Variants in ZNF300 observed in about 807,000 individuals in gnomAD.
ZNF300 encodes zinc finger protein 300, also known as kruppel-like zinc finger protein.
A neutral mutation model predicts 13.9 loss-of-function variants in ZNF300; 6 were observed. The ratio of observed to expected loss-of-function variants is 0.43; its 90% CI spans 0.24 to 0.85. The LOEUF (loss-of-function observed/expected upper bound fraction) is 0.85. ZNF300 is among the 40% of genes least tolerant of loss of function. The pLI is 0.25. For missense variants in ZNF300, 662 were observed against 714.2 expected (o/e 0.93, Z 0.83); for synonymous variants, 237 against 242.2 (o/e 0.98, Z 0.20).
At chr5:150,901,630 G>A (rs1754998541) in intron 3 of ZNF300, among the ~76,000 whole-genome samples, 1 of 152,028 alleles carries the variant, frequency 6.6e-6, no homozygotes, top group Non-Finnish European at 1.5e-5. Context: ...ATTTCACAAC[G>A]ATAATCATAA....
At chr5:150,898,268 A>G (rs1292347640) in intron 4 of ZNF300, 84 bp from the exon 5 acceptor site, 2 of 1,596,884 alleles carry the variant, frequency 1.3e-6, no homozygotes, top group African/African-American at 2.7e-5. Flanking sequence ...TCTACAATAA[A>G]GCTGTCCAGT....
At position 150,898,418 on chromosome 5, in the gene ZNF300, C is replaced by A; in HGVS notation, c.142+10G>T. The stretch of plus-strand genomic sequence containing the variant: ...GACAACTCTGAGTTATTCAGGGAAG[C>A]CATCCTTACCCATTGAGACCAGGTG... On this transcript the variant is annotated intron_variant, in intron 4 of 5. Transcript: ENST00000274599. The A allele has an allele frequency of 6.2e-7, 1 of 1,613,376 alleles. No homozygotes were observed. Among genetic ancestry groups the A allele is most frequent in the African/African-American group, 1.3e-5 (1 of 74,956 alleles).
chr5:150,904,183 G>A (rs1755073751), intron 1 of ZNF300, among the ~76,000 whole-genome samples: 1 of 152,148 alleles, frequency 6.6e-6, no homozygotes. Context: ...CATCAGAAAT[G>A]CTTAGTGGGC....
intron 3 of ZNF300, among the ~76,000 whole-genome samples, chr5:150,902,751 C>T (rs1755031931): frequency 1.3e-5 from 2 of 152,182 alleles, no homozygotes; most frequent in Non-Finnish European, 2.9e-5. Context: ...TAAGACACCA[C>T]TACAAGAAAC....
intron 1 of ZNF300, among the ~76,000 whole-genome samples, 171 bp downstream of exon 1, chr5:150,904,533 G>A (rs1338997641): frequency 2.6e-5 from 4 of 151,798 alleles, no homozygotes; most frequent in Non-Finnish European, 4.4e-5. Flanking sequence ...AGCCATTCCT[G>A]ACCTAATAGA....
At chr5:150,902,459 G>C (rs1039034257) in intron 3 of ZNF300, among the ~76,000 whole-genome samples, 7 of 152,188 alleles carry the variant, frequency 4.6e-5, no homozygotes, top group Non-Finnish European at 1.0e-4. Flanking sequence ...TTTGTTCCTT[G>C]AAAGCAGGGG....
chr5:150,898,628 C>T lies in ZNF300; in HGVS notation c.16-74G>A, dbSNP rs1282381223. 5 of 1,447,966 alleles carry T rather than the reference C, an allele frequency of 3.5e-6. No homozygotes were observed. In the East Asian group the frequency reaches 1.2e-4, roughly 34 times the overall value. 89.7% of individuals were successfully genotyped at this position (1,447,966 alleles called of 1,614,324 possible). On this transcript the variant is annotated intron_variant, in intron 3 of 5. Transcript: ENST00000274599. ...TCTGCTATAATGTGCACAACTACAT[C>T]CACACCTAGTTTTGTATAATAGTTT...
At chr5:150,898,007 A>G in intron 5 of ZNF300, 55 bp downstream of exon 5, 1 of 1,573,280 alleles carries the variant, frequency 6.4e-7, no homozygotes, top group Non-Finnish European at 8.6e-7. Context: ...AAGGATAGAA[A>G]CATAAACCTC....
At position 150,898,265 on chromosome 5, in the gene ZNF300, T is replaced by C. The variant is rs1460084145; in HGVS notation, c.143-81A>G. On this transcript the variant is annotated intron_variant, in intron 4 of 5. Transcript: ENST00000274599. Reference sequence around the variant, plus strand: ...AGGTGCAGTTTCAGATGGTCTACAATAAAGCTGTCCAGTTAGCCCTCAACA... The same window carrying C: ...AGGTGCAGTTTCAGATGGTCTACAACAAAGCTGTCCAGTTAGCCCTCAACA... The C allele has an allele frequency of 2.6e-5, 42 of 1,597,898 alleles. No individual in the cohort carries two copies. In the East Asian group the frequency reaches 7.6e-4, roughly 29 times the overall value.
Position 150,896,039 on chromosome 5 carries a change from G to A in ZNF300, c.1200C>T (p.His400=). Reference sequence around the variant, plus strand: ...ACGGCTTCTCTCCAGTATGAGCTCTGTGGTGTATAATCAGCTGTGACTTCT... The same window carrying A: ...ACGGCTTCTCTCCAGTATGAGCTCTATGGTGTATAATCAGCTGTGACTTCT... ...FSQKSQLIIH[H]RAHTGEKPYE... is the part of the protein sequence containing the mutation. The change falls in exon 6 of 6, where the codon CAC becomes CAT. Residue 400 remains histidine, a synonymous_variant. Transcript: ENST00000274599. 2 of 1,612,958 alleles carry A rather than the reference G, an allele frequency of 1.2e-6. No individual in the cohort carries two copies. Among genetic ancestry groups the A allele is most frequent in the Non-Finnish European group, 8.5e-7 (1 of 1,179,604 alleles).
In ZNF300 at chr5:150,896,545, C is replaced by G. The variant is rs1413638727; in HGVS notation, c.694G>C (p.Glu232Gln). The G allele has an allele frequency of 6.2e-7, 1 of 1,613,676 alleles. No individual in the cohort carries two copies. The highest frequency in any genetic ancestry group is 8.5e-7 in the Non-Finnish European group (1 of 1,179,818). The change falls in exon 6 of 6, where the codon GAG becomes CAG. Residue 232 changes from glutamate (E) to glutamine (Q), a missense_variant. Coordinates refer to ENST00000274599, the MANE Select transcript of ZNF300 (RefSeq NM_052860.4). ...GGTATTACTCCATTGTGAATCTTCTCAAGATTAGAATTGGGCTCACTCTGG... is the reference window on the plus strand; with the variant it reads ...GGTATTACTCCATTGTGAATCTTCTGAAGATTAGAATTGGGCTCACTCTGG... ...SSQSEPNSNL[E>Q]KIHNGVIPFD...
intron 5 of ZNF300, 38 bp downstream of exon 5, chr5:150,898,024 C>A (rs756820754): frequency 1.9e-6 from 3 of 1,594,452 alleles, no homozygotes; most frequent in South Asian, 2.3e-5. Flanking sequence ...CCTCAGGCAC[C>A]AATCAATTAA....
rs529147961 is a variant in ZNF300, at chr5:150,897,962, T to C, written c.265+100A>G. The C allele has an allele frequency of 1.1e-5, 16 of 1,449,644 alleles. No individual in the cohort carries two copies. In the African/African-American group the frequency reaches 2.3e-4, roughly 21 times the overall value. The allele number at this position is 1,449,644 out of a possible 1,614,324, so 89.8% of individuals were successfully genotyped here. A position where few individuals can be genotyped will look rare whatever the true frequency, so the allele number is the denominator to read the frequency against. ...ATTACTTGTTGAGTGACTACTAAAT[T>C]CTCAGCATAGAAGCAAAGAATAGGA... On this transcript the variant is annotated intron_variant, in intron 5 of 5. Coordinates refer to ENST00000274599, the MANE Select transcript of ZNF300 (RefSeq NM_052860.4).
At position 150,895,668 on chromosome 5, in the gene ZNF300, G is replaced by A. The variant is rs1411238381; in HGVS notation, c.1571C>T (p.Thr524Ile). The stretch of plus-strand genomic sequence containing the variant: ...CTGAGAGAAGGCTTTCCCACATTCA[G>A]TACATATATAAGGTTTTTCTCCTGT... ...IHTGEKPYIC[T>I]ECGKAFSQKS... Residue 524 changes from threonine to isoleucine, a missense_variant, in exon 6 of 6, where the codon ACT becomes ATT. Physicochemically the swap from Thr to Ile is moderately conservative, Grantham distance 89 (BLOSUM62 -1). Transcript: ENST00000274599. The A allele has an allele frequency of 6.2e-7, 1 of 1,613,272 alleles. No homozygotes were observed. The highest frequency in any genetic ancestry group is 2.2e-5 in the East Asian group (1 of 44,866).
At position 150,896,130 on chromosome 5, in the gene ZNF300, A is replaced by G; in HGVS notation, c.1109T>C (p.Ile370Thr). The G allele has an allele frequency of 6.2e-7, 1 of 1,613,354 alleles. No homozygotes were observed. Among genetic ancestry groups the G allele is most frequent in the African/African-American group, 1.3e-5 (1 of 74,996 alleles). The change falls in exon 6 of 6, where the codon ATA becomes ACA. Residue 370 changes from isoleucine to threonine, a missense_variant. Coordinates refer to ENST00000274599, the MANE Select transcript of ZNF300 (RefSeq NM_052860.4). ...KAFSQKSPLI[I>T]HQRIHTGEKP... Reference sequence around the variant, plus strand: ...TTCCCCAGTATGTATTCTCTGATGTATAATGAGGGGTGATTTCTGGGAGAA... The same window carrying G: ...TTCCCCAGTATGTATTCTCTGATGTGTAATGAGGGGTGATTTCTGGGAGAA...
At chr5:150,903,814 G>A (rs899604836) in intron 2 of ZNF300, 50 bp downstream of exon 2, 2 of 166,626 alleles carry the variant, frequency 1.2e-5, no homozygotes, top group Non-Finnish European at 2.6e-5. Flanking sequence ...GTGATAGGTT[G>A]GAACCACTGG....
rs774059963 is a variant in ZNF300, at chr5:150,895,622, G to A, written c.1617C>T (p.His539=). Residue 539 remains histidine, a synonymous_variant, in exon 6 of 6, where the codon CAC becomes CAT. Transcript: ENST00000274599. ...AFSQKSHLPG[H]QRIHTGEKPY... Reference sequence around the variant, plus strand: ...GTTTCTCTCCTGTATGAATTCGCTGGTGTCCCGGAAGGTGGGACTTCTGAG... The same window carrying A: ...GTTTCTCTCCTGTATGAATTCGCTGATGTCCCGGAAGGTGGGACTTCTGAG... The A allele has an allele frequency of 1.2e-6, 2 of 1,613,178 alleles. No individual in the cohort carries two copies. The highest frequency in any genetic ancestry group is 2.2e-5 in the South Asian group (2 of 91,030).
intron 2 of ZNF300, 136 bp from the exon 3 acceptor site, chr5:150,903,318 T>C: frequency 1.3e-6 from 2 of 1,569,210 alleles, no homozygotes; most frequent in Non-Finnish European, 1.7e-6. Context: ...ATAAGGTTGT[T>C]TGAGCCTTAC....
chr5:150,898,402 G>C, intron 4 of ZNF300, 26 bp downstream of exon 4: 1 of 1,613,366 alleles, frequency 6.2e-7, no homozygotes, highest in Non-Finnish European at 8.5e-7. Context: ...GGACAACTCT[G>C]AGTTATTCAG....
Sources: gnomAD v4.1 joint callset for allele counts (sites outside exome capture counted in the v4.1 genomes callset) on GRCh38, gnomAD v4.1.1 for gene constraint, MANE v1.5 for transcripts, NCBI Gene and HGNC (gene_info 2026-07-23, HGNC 2026-07-21) for gene names.